Variants in ZNF821 observed in about 807,000 individuals in gnomAD.
The protein encoded by ZNF821 is zinc finger protein 821.
In ZNF821, 16 loss-of-function variants were observed where a neutral mutation model predicts 44.3. The observed-to-expected ratio is 0.36, with a 90% CI of 0.24 to 0.55. ZNF821 has a LOEUF of 0.55. ZNF821 is among the 20% of genes least tolerant of loss of function. The pLI is 0.86. For synonymous variants in ZNF821, 204 were observed against 197.6 expected, an observed-to-expected ratio of 1.03 and a Z score of -0.27; for missense variants, 436 against 547.6, an observed-to-expected ratio of 0.80 and a Z score of 2.03.
intron 4 of ZNF821, 117 bp from the exon 5 acceptor site, chr16:71,865,165 G>A (rs993208228): frequency 4.6e-6 from 6 of 1,314,146 alleles, no homozygotes; most frequent in Middle Eastern, 2.1e-4. Context: ...CCATAATATA[G>A]TTTATATAGT....
rs900915025 is a variant in ZNF821 at position 71,862,057 on chromosome 16, T to C, written c.418-115A>G. 9 of 1,220,560 alleles carry C rather than the reference T, an allele frequency of 7.4e-6. No individual in the cohort carries two copies. In the African/African-American group the frequency reaches 1.4e-4, roughly 18 times the overall value. The allele number at this position is 1,220,560 out of a possible 1,614,324, so 75.6% of individuals were successfully genotyped here. On this transcript the variant is annotated intron_variant, in intron 6 of 7. Transcript: ENST00000425432. ...TTCTTTAGTCTCAGAATAAGGAACT[T>C]CCAAGTATTCTGTTTAGCCCCTAGA...
chr16:71,863,207 ATTTTC>A (rs2034116831), intron 6 of ZNF821, among the ~76,000 whole-genome samples: 1 of 151,854 alleles, frequency 6.6e-6, no homozygotes, highest in African/African-American at 2.4e-5. Flanking sequence ...ATGTTAACTA[ATTTTC>A]TTTTCTTTAA....
At chr16:71,885,757 T>C (rs1402247494), upstream of ZNF821, among the ~76,000 whole-genome samples, 1 of 152,236 alleles carries the variant, frequency 6.6e-6, no homozygotes, top group Non-Finnish European at 1.5e-5. Context: ...CATTTATTTA[T>C]TGTGATTAGG....
chr16:71,872,906 A>T (rs2035375063), intron 3 of ZNF821, among the ~76,000 whole-genome samples: 1 of 152,220 alleles, frequency 6.6e-6, no homozygotes, highest in African/African-American at 2.4e-5. Context: ...TACAATCTGA[A>T]AGCAAAAGTC....
At chr16:71,867,830 C>T in intron 4 of ZNF821, 82 bp downstream of exon 4, 1 of 1,498,544 alleles carries the variant, frequency 6.7e-7, no homozygotes, top group Admixed American at 2.0e-5. Flanking sequence ...TCCCAACCCC[C>T]ATGCACAATC....
At chr16:71,869,640 CTTTTTT>C (rs1002272045) in intron 3 of ZNF821, among the ~76,000 whole-genome samples, 1 of 151,290 alleles carries the variant, frequency 6.6e-6, no homozygotes, top group Admixed American at 6.6e-5. Flanking sequence ...TGTCCTTTTT[CTTTTTT>C]TTTCTTTTTG....
intron 4 of ZNF821, among the ~76,000 whole-genome samples, chr16:71,867,682 G>A (rs2034705443): frequency 6.7e-6 from 1 of 148,828 alleles, no homozygotes; most frequent in Non-Finnish European, 1.5e-5. Flanking sequence ...GCGAAACTCT[G>A]TCACAAAAAA....
chr16:71,892,519 C>T (rs187112432), intron 1 of ZNF821, among the ~76,000 whole-genome samples: 3 of 151,424 alleles, frequency 2.0e-5, no homozygotes, highest in East Asian at 2.0e-4. Context: ...CCACCCGCCT[C>T]GGCCTCCCAA....
chr16:71,894,885 A>G (rs779097979), intron 1 of ZNF821: 2 of 1,453,512 alleles, frequency 1.4e-6, no homozygotes, highest in South Asian at 2.4e-5. Flanking sequence ...TTTTCTCTGA[A>G]TACCGAGATA....
rs570801197 is a variant in ZNF821 at position 71,881,196 on chromosome 16, G to A, written c.-77-1173C>T. ...TATTGCCTTAAGAGGAGTTATGGGAGACTACTGCTAGCTATATTTTGTACT... is the reference window on the plus strand; with the variant it reads ...TATTGCCTTAAGAGGAGTTATGGGAAACTACTGCTAGCTATATTTTGTACT... On this transcript the variant is annotated intron_variant, in intron 2 of 7. Transcript: ENST00000425432. The A allele has an allele frequency of 2.0e-5, 3 of 152,294 alleles. No homozygotes were observed. The East Asian group carries it at 5.8e-4, about 29-fold the overall frequency. The allele number at this position is 152,294 out of a possible 1,614,324, so 9.4% of individuals were successfully genotyped here. A position where few individuals can be genotyped will look rare whatever the true frequency, so the allele number is the denominator to read the frequency against.
intron 3 of ZNF821, among the ~76,000 whole-genome samples, chr16:71,878,094 A>G (rs1027493312): frequency 2.8e-5 from 4 of 144,650 alleles, no homozygotes; most frequent in African/African-American, 1.0e-4. Context: ...ACAGTTCATA[A>G]TAATAGGGAA....
upstream of ZNF821, among the ~76,000 whole-genome samples, chr16:71,887,259 C>CTTTTTT (rs60449301): frequency 8.0e-6 from 1 of 124,880 alleles, no homozygotes; most frequent in Non-Finnish European, 1.6e-5. Context: ...TATATTCAAC[C>CTTTTTT]TTTTTTTTTT....
intron 3 of ZNF821, among the ~76,000 whole-genome samples, 172 bp from the exon 4 acceptor site, chr16:71,868,209 C>A (rs1264426415): frequency 6.6e-6 from 1 of 152,236 alleles, no homozygotes; most frequent in Non-Finnish European, 1.5e-5. Flanking sequence ...TGCAGCTGCT[C>A]TTCCTGGGCA....
At chr16:71,889,585 A>G (rs547534833), upstream of ZNF821, among the ~76,000 whole-genome samples, 44 of 152,250 alleles carry the variant, frequency 2.9e-4, no homozygotes, top group Non-Finnish European at 5.7e-4. Context: ...AAGGCAGGAA[A>G]GTCACTTGAA....
chr16:71,894,922 G>C, exon 1 of ZNF821: 1 of 1,160,950 alleles, frequency 8.6e-7, no homozygotes, highest in Non-Finnish European at 1.2e-6. Context: ...AGAGACTGTG[G>C]TGCTGAGGAA....
At chr16:71,889,971 AAAAC>A (rs930542832) in intron 1 of ZNF821, among the ~76,000 whole-genome samples, 9 of 152,182 alleles carry the variant, frequency 5.9e-5, no homozygotes, top group African/African-American at 1.9e-4. Context: ...AAACAAAACA[AAAAC>A]AAAAACAAAA....
upstream of ZNF821, among the ~76,000 whole-genome samples, chr16:71,887,268 T>C (rs1238735170): frequency 1.3e-5 from 2 of 150,430 alleles, no homozygotes; most frequent in Non-Finnish European, 3.0e-5. Flanking sequence ...CCTTTTTTTT[T>C]TTTTTTTTTG....
At chr16:71,866,678 G>A (rs771799158) in intron 4 of ZNF821, among the ~76,000 whole-genome samples, 4 of 152,210 alleles carry the variant, frequency 2.6e-5, no homozygotes, top group Non-Finnish European at 5.9e-5. Context: ...AAAACTATTA[G>A]ATGTTTGCAG....
intron 3 of ZNF821, among the ~76,000 whole-genome samples, chr16:71,878,029 C>T (rs1329687335): frequency 6.8e-6 from 1 of 147,956 alleles, no homozygotes; most frequent in Non-Finnish European, 1.5e-5. Context: ...TTTTTACAAA[C>T]TTTTCATCTG....
Sources: gnomAD v4.1 joint callset for allele counts (sites outside exome capture counted in the v4.1 genomes callset) on GRCh38, gnomAD v4.1.1 for gene constraint, MANE v1.5 for transcripts, NCBI Gene and HGNC (gene_info 2026-07-23, HGNC 2026-07-21) for gene names.